TTLL7: variants seen among roughly 807,000 people sequenced by gnomAD.
TTLL7 encodes the protein tubulin tyrosine ligase like 7, also known as tubulin polyglutamylase TTLL7.
A neutral mutation model predicts 120.2 loss-of-function variants in TTLL7; 53 were observed. The observed-to-expected ratio is 0.44, with a 90% CI of 0.35 to 0.55. The LOEUF is 0.55. TTLL7 is among the 20% of genes least tolerant of loss of function. The pLI, the probability that TTLL7 is intolerant of heterozygous loss-of-function variation, is 0.00. For synonymous variants in TTLL7, 353 were observed against 351.7 expected, an observed-to-expected ratio of 1.00 and a Z score of -0.04; for missense variants, 803 against 1,054.7, an observed-to-expected ratio of 0.76 and a Z score of 3.31.
chr1:83,942,014 A>G (rs969007995), intron 7 of TTLL7, among the ~76,000 whole-genome samples: 3 of 152,166 alleles, frequency 2.0e-5, no homozygotes, highest in African/African-American at 4.8e-5. Flanking sequence ...TTTCTCCCAC[A>G]TTCAACATGT....
chr1:83,883,120 T>C lies in TTLL7; in HGVS notation c.2386A>G (p.Ile796Val), dbSNP rs745306212. 1 of 1,605,796 alleles carries C rather than the reference T, an allele frequency of 6.2e-7. No individual in the cohort carries two copies. Among genetic ancestry groups the C allele is most frequent in the African/African-American group, 1.3e-5 (1 of 74,318 alleles). The change falls in exon 20 of 21, where the codon ATA becomes GTA. Residue 796 changes from isoleucine (I) to valine (V), a missense_variant. Transcript: ENST00000260505. ...FCDSGSSWES[I>V]FNKSPEVVTP... ...ACCACCTCCGGGCTTTTATTGAATA[T>C]ACTCTCCCAAGAGGATCTGTTGGCA...
chr1:83,975,832 T>C (rs962311648), intron 1 of TTLL7, among the ~76,000 whole-genome samples: 5 of 152,156 alleles, frequency 3.3e-5, no homozygotes, highest in Non-Finnish European at 5.9e-5. Context: ...TACTTTCTAC[T>C]ACAGATTTTT....
chr1:83,900,184 A>G, intron 18 of TTLL7: 1 of 446,466 alleles, frequency 2.2e-6, no homozygotes, highest in South Asian at 1.6e-5. Context: ...TCAAATAAAC[A>G]TCACTAACTA....
chr1:83,956,404 C>T (rs544695496), intron 1 of TTLL7, among the ~76,000 whole-genome samples: 1 of 150,146 alleles, frequency 6.7e-6, no homozygotes, highest in African/African-American at 2.4e-5. Flanking sequence ...AGATTACAGG[C>T]ATGAGCTACT....
At chr1:83,929,875 C>T (rs1015978922) in intron 9 of TTLL7, among the ~76,000 whole-genome samples, 8 of 152,112 alleles carry the variant, frequency 5.3e-5, no homozygotes, top group Non-Finnish European at 1.2e-4. Flanking sequence ...TTCAACACAA[C>T]AGCTTAGCTT....
rs1571139799 is a variant in TTLL7 at position 83,906,205 on chromosome 1, A to C, written c.2127+124T>G. The C allele has an allele frequency of 1.1e-5, 9 of 816,660 alleles. No individual in the cohort carries two copies. In the East Asian group the frequency reaches 2.1e-4, roughly 19 times the overall value. 50.6% of individuals were successfully genotyped at this position (816,660 alleles called of 1,614,324 possible). A position where few individuals can be genotyped will look rare whatever the true frequency, so the allele number is the denominator to read the frequency against. On this transcript the variant is annotated intron_variant, in intron 17 of 20. Transcript: ENST00000260505. ...TATTTTCTAAAGCTAGTAGAGGTTG[A>C]AAAGAACATCAATTAAATTTACTAT...
intron 20 of TTLL7, among the ~76,000 whole-genome samples, chr1:83,870,593 T>G (rs912102947): frequency 6.6e-6 from 1 of 152,170 alleles, no homozygotes; most frequent in East Asian, 1.9e-4. Flanking sequence ...TCTTTGACCA[T>G]AGAGTGCTCA....
chr1:83,988,955 T>A (rs1175978980), intron 1 of TTLL7, among the ~76,000 whole-genome samples: 2 of 152,126 alleles, frequency 1.3e-5, no homozygotes, highest in African/African-American at 4.8e-5. Flanking sequence ...TGATCCGCCC[T>A]CCTCGGCCCT....
At position 83,867,633 on chromosome 1, in the gene TTLL7, T is replaced by C. The variant is rs1653004619; in HGVS notation, c.*2329A>G. On this transcript the variant is annotated 3_prime_UTR_variant, in exon 21 of 21. Transcript: ENST00000260505. ...TACAAATTTTGCTCTGGTACAAAAG[T>C]TGCAAAGCACACACTCCAGCAAATT... The C allele has an allele frequency of 2.0e-5, 3 of 151,938 alleles. No homozygotes were observed. Among genetic ancestry groups the C allele is most frequent in the Admixed American group, 2.0e-4 (3 of 15,244 alleles). The allele number at this position is 151,938 out of a possible 1,614,324, so 9.4% of individuals were successfully genotyped here.
intron 1 of TTLL7, among the ~76,000 whole-genome samples, chr1:83,986,927 T>C (rs1030250153): frequency 4.6e-5 from 7 of 152,006 alleles, no homozygotes; most frequent in Admixed American, 2.6e-4. Flanking sequence ...GCCATTGCAA[T>C]AAAGCAAGAA....
intron 18 of TTLL7, among the ~76,000 whole-genome samples, chr1:83,900,937 T>C (rs1165581432): frequency 1.3e-5 from 2 of 152,016 alleles, no homozygotes; most frequent in Non-Finnish European, 2.9e-5. Context: ...TTTTTTCCTC[T>C]TCATTAGTAA....
intron 1 of TTLL7, among the ~76,000 whole-genome samples, chr1:83,992,110 T>C (rs1004200691): frequency 5.9e-5 from 9 of 152,152 alleles, no homozygotes; most frequent in Non-Finnish European, 7.4e-5. Flanking sequence ...CCCCATAACA[T>C]ATGTAGCAGT....
At chr1:83,904,003 T>C in intron 18 of TTLL7, 76 bp downstream of exon 18, 3 of 1,069,020 alleles carry the variant, frequency 2.8e-6, no homozygotes, top group South Asian at 1.3e-5. Context: ...ATACAGTCTG[T>C]CTATGAATTT....
At chr1:83,915,189 T>C (rs898228662) in intron 14 of TTLL7, among the ~76,000 whole-genome samples, 1 of 151,858 alleles carries the variant, frequency 6.6e-6, no homozygotes, top group African/African-American at 2.4e-5. Flanking sequence ...TGGAAAAGCA[T>C]GAAAATACGA....
At chr1:83,870,131 A>AG in intron 20 of TTLL7, 49 bp from the exon 21 acceptor site, 1 of 1,506,686 alleles carries the variant, frequency 6.6e-7, no homozygotes, top group Non-Finnish European at 8.8e-7. Flanking sequence ...AATTATAACT[A>AG]ACTCACTAAA....
chr1:83,887,280 C>G (rs1027660439), intron 19 of TTLL7: 1 of 1,169,310 alleles, frequency 8.6e-7, no homozygotes, highest in Non-Finnish European at 1.1e-6. Flanking sequence ...AGATTTTACA[C>G]GTAACTGTGA....
At chr1:83,952,034 A>C (rs749642050) in intron 2 of TTLL7, 58 bp from the exon 3 acceptor site, 1 of 1,560,388 alleles carries the variant, frequency 6.4e-7, no homozygotes, top group Non-Finnish European at 8.7e-7. Flanking sequence ...ATACCAGACA[A>C]CACAAATACC....
rs752038809 is a variant in TTLL7, at chr1:83,951,983, A to C, written c.26-7T>G. ...GGAGAGGGTCCCTGAATAACTTTAA[A>C]AAAATGTAAAATAATCAGATAACAC... On this transcript the variant is annotated splice_polypyrimidine_tract_variant and splice_region_variant and intron_variant, in intron 2 of 20. Coordinates refer to ENST00000260505, the MANE Select transcript of TTLL7 (RefSeq NM_024686.6). The C allele has an allele frequency of 3.1e-6, 5 of 1,598,862 alleles. No individual in the cohort carries two copies. The African/African-American group carries it at 6.8e-5, about 22-fold the overall frequency.
intron 1 of TTLL7, among the ~76,000 whole-genome samples, chr1:83,994,727 T>C (rs1003046530): frequency 1.3e-5 from 2 of 152,176 alleles, no homozygotes; most frequent in Non-Finnish European, 2.9e-5. Flanking sequence ...TTATACCTTG[T>C]GCCCAGGACT....
Sources: allele counts gnomAD v4.1 joint callset (sites outside exome capture counted in the v4.1 genomes callset), GRCh38; gene constraint gnomAD v4.1.1; transcripts MANE v1.5; gene names NCBI Gene and HGNC (gene_info 2026-07-23, HGNC 2026-07-21).